Variants in HSP90AA1 observed in about 807,000 individuals in gnomAD.
HSP90AA1 encodes the protein heat shock protein 90 alpha family class A member 1.
In HSP90AA1, 18 loss-of-function variants were observed where a neutral mutation model predicts 73.3. That is an observed-to-expected ratio of 0.25 (90% confidence interval 0.17 to 0.36). The LOEUF (loss-of-function observed/expected upper bound fraction) is 0.36, where lower values mean the gene tolerates loss of function less well. Ranked by LOEUF, HSP90AA1 falls within the 10% of genes least tolerant of loss-of-function variation. HSP90AA1 has a pLI of 1.00. For synonymous variants in HSP90AA1, 477 were observed against 296.9 expected, an observed-to-expected ratio of 1.61 and a Z score of -6.24; for missense variants, 704 against 874.2, an observed-to-expected ratio of 0.81 and a Z score of 2.45.
intron 1 of HSP90AA1, among the ~76,000 whole-genome samples, chr14:102,133,640 C>T (rs953067466): frequency 1.3e-5 from 2 of 151,930 alleles, no homozygotes; most frequent in Non-Finnish European, 2.9e-5. Flanking sequence ...TATGGCACCA[C>T]GCCTGGCTAA....
At chr14:102,112,951 G>A (rs146731761) in intron 1 of HSP90AA1, among the ~76,000 whole-genome samples, 4 of 152,104 alleles carry the variant, frequency 2.6e-5, no homozygotes, top group African/African-American at 4.8e-5. Flanking sequence ...TTGTAAATTC[G>A]CATCTCCCTG....
chr14:102,116,593 T>C (rs953705901), intron 1 of HSP90AA1, among the ~76,000 whole-genome samples: 5 of 152,110 alleles, frequency 3.3e-5, no homozygotes, highest in African/African-American at 1.2e-4. Flanking sequence ...CCTCTGCTGC[T>C]CTGGACCCTG....
At chr14:102,102,070 G>A in exon 2 of HSP90AA1, 2 of 1,613,946 alleles carry the variant, frequency 1.2e-6, no homozygotes, top group Non-Finnish European at 1.7e-6. Flanking sequence ...CTTGGTACCA[G>A]TTAACAGGTG....
At position 102,105,216 on chromosome 14, in the gene HSP90AA1, AAAC is replaced by A. The variant is rs869254834; in HGVS notation, c.156-3134_156-3132del. 1.6e-3 allele frequency among the ~76,000 whole-genome samples: 213 copies of A among 132,334 alleles called. 12 individuals carry two copies. Among genetic ancestry groups the A allele is most frequent in the African/African-American group, 5.4e-3 (190 of 35,002 alleles). 86.8% of individuals were successfully genotyped at this position (132,334 alleles called of 152,430 possible). Reference sequence around the variant, plus strand: ...AGTGAGAGTCTGTCTCAAAAAAAAAAAACAAAAAAAAAACCAAACTTCATTCAA... The same window carrying A: ...AGTGAGAGTCTGTCTCAAAAAAAAAAAAAAAAAAAACCAAACTTCATTCAA... On this transcript the variant is annotated intron_variant, in intron 1 of 11. Coordinates refer to the HSP90AA1 transcript ENST00000334701.
At chr14:102,092,004 C>T (rs1175692089), upstream of HSP90AA1, among the ~76,000 whole-genome samples, 2 of 151,618 alleles carry the variant, frequency 1.3e-5, no homozygotes, top group Non-Finnish European at 1.5e-5. Flanking sequence ...TATTTCTTGA[C>T]TCATGGGTTA....
intron 6 of HSP90AA1, 60 bp downstream of exon 6, chr14:102,084,339 C>T: frequency 2.0e-6 from 3 of 1,509,268 alleles, no homozygotes; most frequent in Admixed American, 3.5e-5. Flanking sequence ...AGCCACCATG[C>T]CCACCCAGAA....
At chr14:102,136,592 A>C (rs1173465722) in intron 1 of HSP90AA1, among the ~76,000 whole-genome samples, 2 of 147,624 alleles carry the variant, frequency 1.4e-5, no homozygotes, top group African/African-American at 5.0e-5. Flanking sequence ...AAAAAAAAAG[A>C]AATACCCGGT....
chr14:102,083,371 T>C (rs889955225), intron 8 of HSP90AA1, 69 bp from the exon 9 acceptor site: 83 of 1,561,502 alleles, frequency 5.3e-5, no homozygotes, highest in Non-Finnish European at 7.2e-5. Context: ...CTCTGACTTT[T>C]CTTGCTAGCC....
chr14:102,121,975 ATATCC>A (rs2049783194), intron 1 of HSP90AA1, among the ~76,000 whole-genome samples: 2 of 152,208 alleles, frequency 1.3e-5, no homozygotes, highest in South Asian at 4.1e-4. Flanking sequence ...TAAAATAAAA[ATATCC>A]TATGGCTTCT....
At chr14:102,104,865 A>T (rs777469097) in intron 1 of HSP90AA1, among the ~76,000 whole-genome samples, 1 of 151,856 alleles carries the variant, frequency 6.6e-6, no homozygotes, top group African/African-American at 2.4e-5. Context: ...TTCACTTAAC[A>T]TAATGACCTC....
At chr14:102,089,678 G>A (rs994786412), upstream of HSP90AA1, among the ~76,000 whole-genome samples, 2 of 152,196 alleles carry the variant, frequency 1.3e-5, no homozygotes, top group South Asian at 4.2e-4. Context: ...AGACCTGGAT[G>A]CTGAGCCTCA....
At chr14:102,117,305 G>T (rs1244570739) in intron 1 of HSP90AA1, among the ~76,000 whole-genome samples, 3 of 152,110 alleles carry the variant, frequency 2.0e-5, no homozygotes, top group African/African-American at 7.2e-5. Flanking sequence ...AAGGCTGGGG[G>T]CCAGGTTGCC....
At position 102,081,652 on chromosome 14, in the gene HSP90AA1, AAATAT is replaced by A. The variant is rs1223006118; in HGVS notation, c.*55_*59del. On this transcript the variant is annotated 3_prime_UTR_variant, in exon 11 of 11. Coordinates refer to ENST00000216281, the MANE Select transcript of HSP90AA1 (RefSeq NM_005348.4). The stretch of plus-strand genomic sequence containing the variant: ...CAAAAATAAAGAAAAACATCCTTGA[AAATAT>A]ATTATCAGAGGAATTGTAGAGTACT... 10 of 822,328 alleles carry A rather than the reference AAATAT, an allele frequency of 1.2e-5. No homozygotes were observed. Among genetic ancestry groups the A allele is most frequent in the Non-Finnish European group, 2.0e-5 (9 of 457,592 alleles). 50.9% of individuals were successfully genotyped at this position (822,328 alleles called of 1,614,324 possible).
At chr14:102,088,158 T>A (rs1595661909), upstream of HSP90AA1, among the ~76,000 whole-genome samples, 1 of 151,982 alleles carries the variant, frequency 6.6e-6, no homozygotes, top group South Asian at 2.1e-4. Context: ...AGAGTCGGGG[T>A]TTCACCATGT....
intron 1 of HSP90AA1, among the ~76,000 whole-genome samples, chr14:102,138,509 C>CT (rs10715293): frequency 5.5e-4 from 83 of 151,238 alleles, no homozygotes; most frequent in African/African-American, 1.9e-3. Context: ...GCTTTTTTTT[C>CT]TTTTTTTTTT....
At chr14:102,119,656 T>C (rs905934154) in intron 1 of HSP90AA1, among the ~76,000 whole-genome samples, 3 of 152,110 alleles carry the variant, frequency 2.0e-5, no homozygotes, top group Non-Finnish European at 4.4e-5. Flanking sequence ...GCCTGGCTAA[T>C]TTTTGTATTT....
chr14:102,083,322 CT>C lies in HSP90AA1; in HGVS notation c.1487-21del. The C allele has an allele frequency of 6.2e-7, 1 of 1,613,390 alleles. No individual in the cohort carries two copies. Among genetic ancestry groups the C allele is most frequent in the Non-Finnish European group, 8.5e-7 (1 of 1,179,358 alleles). On this transcript the variant is annotated intron_variant, in intron 8 of 10. Coordinates refer to ENST00000216281, the MANE Select transcript of HSP90AA1 (RefSeq NM_005348.4). ...TCTCACCTGAGGTATTACAAAGTTACTTTTAGACCTTTTAACAGTTAAGAAT... is the reference window on the plus strand; with the variant it reads ...TCTCACCTGAGGTATTACAAAGTTACTTTAGACCTTTTAACAGTTAAGAAT...
At chr14:102,115,320 AAACAACTCTGTGTTTTACTTTT>A (rs2049692705) in intron 1 of HSP90AA1, among the ~76,000 whole-genome samples, 1 of 149,714 alleles carries the variant, frequency 6.7e-6, no homozygotes, top group African/African-American at 2.4e-5. Flanking sequence ...CAAACAAACA[AAACAACTCTGTGTTTTACTTTT>A]ACAAAAAATA....
chr14:102,101,362 C>T (rs999492131), intron 2 of HSP90AA1, among the ~76,000 whole-genome samples: 4 of 152,168 alleles, frequency 2.6e-5, no homozygotes, highest in Non-Finnish European at 5.9e-5. Flanking sequence ...TGGGTCAAGC[C>T]CAAACTCCTC....
Sources: gnomAD v4.1 joint callset for allele counts (sites outside exome capture counted in the v4.1 genomes callset) on GRCh38, gnomAD v4.1.1 for gene constraint, MANE v1.5 for transcripts, NCBI Gene and HGNC (gene_info 2026-07-23, HGNC 2026-07-21) for gene names.